MARK3: variants seen among roughly 807,000 people sequenced by gnomAD.
The protein encoded by MARK3 is MAP/microtubule affinity-regulating kinase 3.
In MARK3, 46 loss-of-function variants were observed where a neutral mutation model predicts 90.1. That is an observed-to-expected ratio of 0.51 (90% CI 0.40 to 0.65). The LOEUF is 0.65. Ranked by LOEUF, MARK3 falls within the 30% of genes least tolerant of loss-of-function variation. The probability of loss-of-function intolerance (pLI) is 0.00; values close to 1 mark genes in which losing one functional copy is unlikely to be tolerated. For missense variants in MARK3, 818 were observed against 947.2 expected (o/e 0.86, Z 1.79); for synonymous variants, 321 against 332.6 (o/e 0.97, Z 0.38).
intron 1 of MARK3, among the ~76,000 whole-genome samples, chr14:103,401,780 A>G (rs902662858): frequency 6.6e-5 from 10 of 152,228 alleles, no homozygotes; most frequent in African/African-American, 2.4e-4. Flanking sequence ...AAGTAGCATA[A>G]TAGAGTTAGA....
chr14:103,386,141 A>C, intron 1 of MARK3, 61 bp downstream of exon 1: 1 of 1,474,302 alleles, frequency 6.8e-7, no homozygotes, highest in African/African-American at 1.4e-5. Flanking sequence ...CTCCTCGGGC[A>C]GTGCCTTGCA....
chr14:103,461,400 A>T (rs981597740), intron 6 of MARK3, among the ~76,000 whole-genome samples: 2 of 152,214 alleles, frequency 1.3e-5, no homozygotes, highest in Non-Finnish European at 2.9e-5. Context: ...GTGAAATTTC[A>T]GTAAAACAAT....
intron 16 of MARK3, 127 bp downstream of exon 16, chr14:103,498,655 T>C: frequency 1.1e-6 from 1 of 883,624 alleles, no homozygotes; most frequent in Middle Eastern, 2.5e-4. Context: ...GATAACTAAA[T>C]ACTTAATTCC....
At chr14:103,462,309 C>A in intron 6 of MARK3, 96 bp from the exon 7 acceptor site, 1 of 817,318 alleles carries the variant, frequency 1.2e-6, no homozygotes, top group Non-Finnish European at 2.0e-6. Context: ...CGAGCGTATA[C>A]TGAGTATTCA....
At chr14:103,472,283 A>C (rs544003865) in intron 12 of MARK3, among the ~76,000 whole-genome samples, 1 of 152,040 alleles carries the variant, frequency 6.6e-6, no homozygotes, top group Non-Finnish European at 1.5e-5. Context: ...TTTGCTTTGT[A>C]ACTTGGACTG....
rs553524569 is a variant in MARK3, at chr14:103,452,767, G to A, written c.412+784G>A. 2.2e-4 allele frequency among the ~76,000 whole-genome samples: 33 copies of A among 152,212 alleles called. No homozygotes were observed. In the East Asian group the frequency reaches 3.3e-3, roughly 15 times the overall value. On this transcript the variant is annotated intron_variant, in intron 5 of 17. Coordinates refer to ENST00000429436, the MANE Select transcript of MARK3 (RefSeq NM_001128918.3). ...ATTACAGGCGTGAGCCACCGCGCCC[G>A]GCCAGGATTTGTCTTTTTGTGTCTG...
intron 3 of MARK3, among the ~76,000 whole-genome samples, chr14:103,438,483 T>C (rs1213606949): frequency 1.3e-5 from 2 of 152,192 alleles, no homozygotes; most frequent in African/African-American, 2.4e-5. Flanking sequence ...GTACTTTCCA[T>C]ATGGGAAGGA....
intron 14 of MARK3, among the ~76,000 whole-genome samples, chr14:103,488,498 C>T (rs2093967728): frequency 6.6e-6 from 1 of 152,172 alleles, no homozygotes; most frequent in South Asian, 2.1e-4. Flanking sequence ...ACATTTGTTT[C>T]CAGTCCTTCT....
intron 12 of MARK3, among the ~76,000 whole-genome samples, chr14:103,473,809 C>T (rs116393583): frequency 2.5e-3 from 378 of 152,216 alleles, no homozygotes; most frequent in African/African-American, 8.7e-3. Flanking sequence ...AAGCCATCCT[C>T]CCACCTCAGT....
intron 14 of MARK3, among the ~76,000 whole-genome samples, chr14:103,487,855 T>C (rs1009076967): frequency 2.0e-5 from 3 of 152,092 alleles, no homozygotes; most frequent in African/African-American, 7.2e-5. Context: ...AAGACCACCC[T>C]GGCTAACATG....
intron 17 of MARK3, among the ~76,000 whole-genome samples, chr14:103,500,721 T>C (rs1009124907): frequency 6.6e-6 from 1 of 151,990 alleles, no homozygotes; most frequent in Non-Finnish European, 1.5e-5. Context: ...TTCCCAGGCT[T>C]ATGCGATCCT....
In MARK3 at chr14:103,465,957, T is replaced by C. The variant is rs2093494284; in HGVS notation, c.778-15T>C. The C allele has an allele frequency of 3.1e-6, 5 of 1,608,776 alleles. No individual in the cohort carries two copies. Among genetic ancestry groups the C allele is most frequent in the Non-Finnish European group, 4.2e-6 (5 of 1,178,388 alleles). ...GTTGACTTACTCGTTTTCTTTCCTC[T>C]GTACCTCTCCAAAGGAACTGAGAGA... is the stretch of plus-strand genomic sequence containing the variant. On this transcript the variant is annotated splice_polypyrimidine_tract_variant and intron_variant, in intron 8 of 17. Transcript: ENST00000429436.
chr14:103,442,243 G>T (rs1180648459), intron 3 of MARK3, among the ~76,000 whole-genome samples: 4 of 152,040 alleles, frequency 2.6e-5, no homozygotes, highest in Non-Finnish European at 4.4e-5. Flanking sequence ...GGTGGCGGGT[G>T]CCTGTAGTCC....
intron 2 of MARK3, among the ~76,000 whole-genome samples, chr14:103,422,903 T>C (rs1389748566): frequency 6.6e-6 from 1 of 152,140 alleles, no homozygotes; most frequent in Non-Finnish European, 1.5e-5. Context: ...TAACCCCCAG[T>C]GTGACTGTAT....
At chr14:103,482,067 G>C (rs1206551130) in intron 14 of MARK3, among the ~76,000 whole-genome samples, 1 of 151,488 alleles carries the variant, frequency 6.6e-6, no homozygotes, top group Non-Finnish European at 1.5e-5. Context: ...TACCCAGCCA[G>C]GTATTTCTTA....
Position 103,385,991 on chromosome 14 carries a change from T to C in MARK3, c.-39T>C. The C allele has an allele frequency of 2.5e-6, 4 of 1,581,874 alleles. No homozygotes were observed. Among genetic ancestry groups the C allele is most frequent in the Non-Finnish European group, 3.5e-6 (4 of 1,150,584 alleles). On this transcript the variant is annotated 5_prime_UTR_variant, in exon 1 of 18. Coordinates refer to ENST00000429436, the MANE Select transcript of MARK3 (RefSeq NM_001128918.3). Reference sequence around the variant, plus strand: ...GGCCTCCTAGGGCTGTGCTGTTTTGTTTTGACCCTCGCATTGTGCAGAATT... The same window carrying C: ...GGCCTCCTAGGGCTGTGCTGTTTTGCTTTGACCCTCGCATTGTGCAGAATT...
At position 103,503,359 on chromosome 14, in the gene MARK3, G is replaced by A; in HGVS notation, c.*132G>A. ...ATGAAATTAAAGTCTGAGGACGAGAGCACGCCTGGGAGCGAAAGCTGGCCT... is the reference window on the plus strand; with the variant it reads ...ATGAAATTAAAGTCTGAGGACGAGAACACGCCTGGGAGCGAAAGCTGGCCT... On this transcript the variant is annotated 3_prime_UTR_variant, in exon 18 of 18. Transcript: ENST00000429436. 1.1e-6 allele frequency: 1 copy of A among 872,038 alleles called. No homozygotes were observed. The highest frequency in any genetic ancestry group is 1.7e-6 in the Non-Finnish European group (1 of 582,882). The allele number at this position is 872,038 out of a possible 1,614,324, so 54.0% of individuals were successfully genotyped here. A position where few individuals can be genotyped will look rare whatever the true frequency, so the allele number is the denominator to read the frequency against.
At chr14:103,469,555 C>A (rs10151602) in intron 12 of MARK3, among the ~76,000 whole-genome samples, 50,875 of 151,886 alleles carry the variant, frequency 0.33, 8,871 homozygotes, top group Middle Eastern at 0.45. Context: ...GCATGATCTC[C>A]GCTCACTGCA....
chr14:103,418,515 G>C (rs1277116166), intron 2 of MARK3, among the ~76,000 whole-genome samples: 1 of 152,090 alleles, frequency 6.6e-6, no homozygotes, highest in African/African-American at 2.4e-5. Context: ...AGAGTATCCA[G>C]TTTCTCTAGA....
Sources: allele counts gnomAD v4.1 joint callset (sites outside exome capture counted in the v4.1 genomes callset), GRCh38; gene constraint gnomAD v4.1.1; transcripts MANE v1.5; gene names NCBI Gene and HGNC (gene_info 2026-07-23, HGNC 2026-07-21).